The following SP4 variants were observed in gnomAD, a reference collection of about 807,000 sequenced individuals.
SP4 encodes the protein Sp4 transcription factor, also known as transcription factor Sp4.
Under a neutral mutation model 72.8 loss-of-function variants are expected in SP4, and 19 were observed. The observed-to-expected ratio is 0.26, with a 90% CI of 0.18 to 0.38. The LOEUF is 0.38. Among genes scored for constraint, SP4 ranks in the 10% least tolerant of loss-of-function variants. The probability of loss-of-function intolerance (pLI) is 1.00; values close to 1 mark genes in which losing one functional copy is unlikely to be tolerated. For synonymous variants in SP4, 395 were observed against 333.1 expected (o/e 1.19, Z -2.02); for missense variants, 1,008 against 926.3 (o/e 1.09, Z -1.14).
intron 3 of SP4, among the ~76,000 whole-genome samples, chr7:21,445,243 C>T (rs1206407700): frequency 6.6e-6 from 1 of 151,850 alleles, no homozygotes; most frequent in Admixed American, 6.6e-5. Context: ...AGTTGTAAAA[C>T]CCCAAAAAGA....
chr7:21,445,236 T>A (rs1783384328), intron 3 of SP4, among the ~76,000 whole-genome samples: 1 of 152,150 alleles, frequency 6.6e-6, no homozygotes, highest in African/African-American at 2.4e-5. Flanking sequence ...CATTAATAGT[T>A]GTAAAACCCC....
At chr7:21,504,186 A>G (rs1781936952) in intron 5 of SP4, among the ~76,000 whole-genome samples, 1 of 152,092 alleles carries the variant, frequency 6.6e-6, no homozygotes, top group East Asian at 1.9e-4. Context: ...TCTGATGACC[A>G]TTTACATGAA....
In SP4 at chr7:21,511,277, T is replaced by C; in HGVS notation, c.*8T>C. 1 of 1,612,950 alleles carries C rather than the reference T, an allele frequency of 6.2e-7. No homozygotes were observed. Among genetic ancestry groups the C allele is most frequent in the Non-Finnish European group, 8.5e-7 (1 of 1,179,346 alleles). On this transcript the variant is annotated 3_prime_UTR_variant, in exon 6 of 6. Transcript: ENST00000222584. ...AACATGGAAGAATTCTGAAAAGTTA[T>C]TTATAACAGAGACCTCTAGTGCTGC...
chr7:21,511,083 C>G lies in SP4; in HGVS notation c.2169C>G (p.Ser723=), dbSNP rs1302788701. 1 of 1,614,038 alleles carries G rather than the reference C, an allele frequency of 6.2e-7. No individual in the cohort carries two copies. Among genetic ancestry groups the G allele is most frequent in the African/African-American group, 1.3e-5 (1 of 75,028 alleles). Residue 723 remains serine, a synonymous_variant, in exon 6 of 6, where the codon TCC becomes TCG. Coordinates refer to ENST00000222584, the MANE Select transcript of SP4 (RefSeq NM_003112.5). ...GGTTTATGCGGAGTGATCATCTCTC[C>G]AAACATGTCAAAACGCACCAGAATA... ...SKRFMRSDHL[S]KHVKTHQNKK...
At chr7:21,449,087 C>T (rs1460928378) in intron 3 of SP4, among the ~76,000 whole-genome samples, 1 of 152,180 alleles carries the variant, frequency 6.6e-6, no homozygotes, top group Non-Finnish European at 1.5e-5. Flanking sequence ...ATTAGGTTCT[C>T]ATACTTTAGA....
intron 3 of SP4, among the ~76,000 whole-genome samples, chr7:21,453,243 A>G (rs1389810963): frequency 6.6e-6 from 1 of 152,210 alleles, no homozygotes. Flanking sequence ...TGAACATTTC[A>G]GCTTTCATGA....
At chr7:21,468,391 G>T (rs182121095) in intron 3 of SP4, among the ~76,000 whole-genome samples, 1 of 152,128 alleles carries the variant, frequency 6.6e-6, no homozygotes, top group Admixed American at 6.5e-5. Context: ...TCCTATCCAA[G>T]AACATATATT....
At chr7:21,448,838 T>C (rs1783502411) in intron 3 of SP4, among the ~76,000 whole-genome samples, 1 of 152,232 alleles carries the variant, frequency 6.6e-6, no homozygotes, top group East Asian at 1.9e-4. Context: ...ATAACAATGC[T>C]GGTATATAGT....
intron 3 of SP4, among the ~76,000 whole-genome samples, chr7:21,434,310 A>G (rs1583374423): frequency 6.6e-6 from 1 of 152,226 alleles, no homozygotes; most frequent in African/African-American, 2.4e-5. Context: ...AGTCTAGATG[A>G]CATGAACAGA....
intron 5 of SP4, among the ~76,000 whole-genome samples, chr7:21,487,368 G>C (rs1038086189): frequency 1.4e-5 from 2 of 143,656 alleles, no homozygotes; most frequent in Non-Finnish European, 3.0e-5. Context: ...CTCTCTCTCT[G>C]TCTCTCTGGG....
chr7:21,493,434 T>TA (rs372066932), intron 5 of SP4, among the ~76,000 whole-genome samples: 17 of 151,956 alleles, frequency 1.1e-4, no homozygotes, highest in South Asian at 2.1e-4. Context: ...CTTTTACTGG[T>TA]AAAAAAAGAA....
intron 3 of SP4, among the ~76,000 whole-genome samples, chr7:21,458,707 A>G (rs1239524231): frequency 6.6e-6 from 1 of 152,136 alleles, no homozygotes; most frequent in Non-Finnish European, 1.5e-5. Flanking sequence ...GAAAAGCTGA[A>G]TTCCCTACTA....
chr7:21,454,891 G>T (rs538396593), intron 3 of SP4, among the ~76,000 whole-genome samples: 13 of 152,298 alleles, frequency 8.5e-5, no homozygotes, highest in South Asian at 8.3e-4. Flanking sequence ...TAGGGAAGGG[G>T]TGCCATACGC....
rs75245435 is a variant in SP4 at position 21,443,906 on chromosome 7, A to T, written c.1678+13063A>T. On this transcript the variant is annotated intron_variant, in intron 3 of 5. Transcript: ENST00000222584. Reference sequence around the variant, plus strand: ...AGACAAATCTTTGACAGATGTCATAAATACTACAAACTATAACATGCTTGT... The same window carrying T: ...AGACAAATCTTTGACAGATGTCATATATACTACAAACTATAACATGCTTGT... 1.4e-4 allele frequency among the ~76,000 whole-genome samples: 22 copies of T among 152,364 alleles called. No individual in the cohort carries two copies. The East Asian group carries it at 4.2e-3, about 29-fold the overall frequency.
At chr7:21,476,220 G>A (rs1269652216) in intron 3 of SP4, among the ~76,000 whole-genome samples, 1 of 138,674 alleles carries the variant, frequency 7.2e-6, no homozygotes, top group Non-Finnish European at 1.5e-5. Context: ...GTTGCAGTGA[G>A]CCGAGATCGT....
chr7:21,483,992 A>G (rs1040783806), intron 5 of SP4, among the ~76,000 whole-genome samples: 1 of 151,926 alleles, frequency 6.6e-6, no homozygotes, highest in Non-Finnish European at 1.5e-5. Context: ...TTATAGTCAG[A>G]TATTTTGAAT....
At chr7:21,441,852 A>G (rs534926845) in intron 3 of SP4, among the ~76,000 whole-genome samples, 1 of 152,332 alleles carries the variant, frequency 6.6e-6, no homozygotes, top group South Asian at 2.1e-4. Flanking sequence ...TGTATCAAGC[A>G]TGGTAATAGG....
At chr7:21,478,348 CAT>C (rs1479371914) in intron 4 of SP4, among the ~76,000 whole-genome samples, 6 of 152,046 alleles carry the variant, frequency 3.9e-5, no homozygotes. Flanking sequence ...TTTGTGTGGG[CAT>C]ATGTTTTCAT....
At chr7:21,482,192 GT>G in intron 5 of SP4, 69 bp downstream of exon 5, 1 of 1,232,184 alleles carries the variant, frequency 8.1e-7, no homozygotes, top group Non-Finnish European at 1.2e-6. Context: ...TTTAGTGATA[GT>G]TTAGCTATCA....
Sources: allele counts gnomAD v4.1 joint callset (sites outside exome capture counted in the v4.1 genomes callset), GRCh38; gene constraint gnomAD v4.1.1; transcripts MANE v1.5; gene names NCBI Gene and HGNC (gene_info 2026-07-23, HGNC 2026-07-21).